CEP120: variants seen among roughly 807,000 people sequenced by gnomAD.
CEP120 encodes the protein centrosomal protein of 120 kDa.
A neutral mutation model predicts 126.5 loss-of-function variants in CEP120; 113 were observed. That is an observed-to-expected ratio of 0.89 (90% CI 0.77 to 1.04). The LOEUF is 1.04. Ranked by LOEUF, CEP120 falls within the 50% of genes least tolerant of loss-of-function variation. CEP120 has a pLI of 0.00. For synonymous variants in CEP120, 400 were observed against 394.3 expected, an observed-to-expected ratio of 1.01 and a Z score of -0.17; for missense variants, 1,230 against 1,155.7, an observed-to-expected ratio of 1.06 and a Z score of -0.93.
At chr5:123,378,076 T>C (rs1378572701) in intron 15 of CEP120, among the ~76,000 whole-genome samples, 1 of 152,082 alleles carries the variant, frequency 6.6e-6, no homozygotes, top group African/African-American at 2.4e-5. Context: ...ATTTCATATA[T>C]AGACTCTGTG....
intron 19 of CEP120, among the ~76,000 whole-genome samples, chr5:123,347,817 G>GTA (rs1293975460): frequency 1.3e-5 from 2 of 151,650 alleles, no homozygotes; most frequent in South Asian, 2.1e-4. Flanking sequence ...GCTAAATTTT[G>GTA]TATATATATA....
At chr5:123,390,949 G>A (rs751691895) in intron 7 of CEP120, 161 bp downstream of exon 7, 4 of 606,824 alleles carry the variant, frequency 6.6e-6, no homozygotes, top group Non-Finnish European at 1.2e-5. Context: ...CATAACAGAA[G>A]TCACAGCACT....
chr5:123,401,440 C>A, intron 4 of CEP120: 1 of 1,342,208 alleles, frequency 7.5e-7, no homozygotes, highest in Non-Finnish European at 1.1e-6. Flanking sequence ...TCTTTGTGCA[C>A]CGCAGGTTAT....
chr5:123,403,216 C>T (rs938543147), intron 4 of CEP120: 1 of 449,332 alleles, frequency 2.2e-6, no homozygotes, highest in Admixed American at 2.5e-5. Context: ...AGCTAACATA[C>T]CTAGCACCTA....
intron 4 of CEP120, among the ~76,000 whole-genome samples, chr5:123,406,178 G>GA (rs34175380): frequency 9.8e-4 from 147 of 150,022 alleles, no homozygotes; most frequent in Non-Finnish European, 1.7e-3. Context: ...AAGACTGGGG[G>GA]AAAAAAAAAA....
rs368379427 is a variant in CEP120, at chr5:123,416,117, G to A, written c.214C>T (p.Arg72Cys). The A allele has an allele frequency of 5.0e-6, 8 of 1,596,944 alleles. No individual in the cohort carries two copies. Among genetic ancestry groups the A allele is most frequent in the Admixed American group, 1.7e-5 (1 of 59,326 alleles). ...AAACATTGGAGTTTGATAGGAGTAC[G>A]CTGTAGCCTATAACAAAACATGTGA... is the stretch of plus-strand genomic sequence containing the variant. ...RKALHQHRLQ[R>C]TPIKLQCFAL... Residue 72 changes from arginine (R) to cysteine (C), a missense_variant, in exon 3 of 20, where the codon CGT (arginine) becomes TGT (cysteine). Arg to Cys is a radical substitution (Grantham distance 180). Coordinates refer to ENST00000306467, the MANE Select transcript of CEP120 (RefSeq NM_001375405.1).
rs997026485 is a variant in CEP120 at position 123,393,592 on chromosome 5, G to T, written c.613-95C>A. ...ACATTCCAAAAACATTTGCTAAAATGTTTTTTTATTTGATGTCTTAACCGC... is the reference window on the plus strand; with the variant it reads ...ACATTCCAAAAACATTTGCTAAAATTTTTTTTTATTTGATGTCTTAACCGC... On this transcript the variant is annotated intron_variant, in intron 5 of 19. Transcript: ENST00000306467. 21 of 1,057,578 alleles carry T rather than the reference G, an allele frequency of 2.0e-5. No individual in the cohort carries two copies. In the East Asian group the frequency reaches 5.0e-4, roughly 25 times the overall value. The allele number at this position is 1,057,578 out of a possible 1,614,324, so 65.5% of individuals were successfully genotyped here. A position where few individuals can be genotyped will look rare whatever the true frequency, so the allele number is the denominator to read the frequency against.
intron 18 of CEP120, among the ~76,000 whole-genome samples, 168 bp downstream of exon 18, chr5:123,364,328 A>G (rs529701828): frequency 1.3e-5 from 2 of 151,732 alleles, no homozygotes; most frequent in African/African-American, 4.8e-5. Context: ...TCTAACTATA[A>G]AAAAGAAGGA....
chr5:123,369,701 TTC>T (rs1237043600), intron 17 of CEP120, among the ~76,000 whole-genome samples: 225 of 152,156 alleles, frequency 1.5e-3, no homozygotes, highest in African/African-American at 5.3e-3. Context: ...CAAAGAGGCC[TTC>T]CTTAACCACC....
At position 123,377,257 on chromosome 5, in the gene CEP120, AT is replaced by A; in HGVS notation, c.2358+116del. 3.3e-6 allele frequency: 3 copies of A among 910,654 alleles called. No individual in the cohort carries two copies. In the South Asian group the frequency reaches 4.7e-5, roughly 14 times the overall value. 56.4% of individuals were successfully genotyped at this position (910,654 alleles called of 1,614,324 possible). A position where few individuals can be genotyped will look rare whatever the true frequency, so the allele number is the denominator to read the frequency against. ...ATTTGAATCTCAGTGCAATAATATG[AT>A]TAATAGTCTAAATTACTATGAATTT... On this transcript the variant is annotated intron_variant, in intron 16 of 19. Coordinates refer to ENST00000306467, the MANE Select transcript of CEP120 (RefSeq NM_001375405.1).
At chr5:123,394,834 T>G (rs1336608151) in intron 5 of CEP120, among the ~76,000 whole-genome samples, 2 of 152,156 alleles carry the variant, frequency 1.3e-5, no homozygotes, top group Non-Finnish European at 2.9e-5. Context: ...AATTCTGGAG[T>G]CAGATCCCAA....
intron 18 of CEP120, 43 bp downstream of exon 18, chr5:123,364,449 GAAAC>G (rs1770310703): frequency 3.8e-6 from 5 of 1,301,292 alleles, no homozygotes; most frequent in African/African-American, 1.5e-5. Context: ...AATTTGCAAA[GAAAC>G]AAGGGAAAAA....
chr5:123,413,416 T>G (rs554942616), intron 3 of CEP120, among the ~76,000 whole-genome samples: 1 of 152,202 alleles, frequency 6.6e-6, no homozygotes, highest in South Asian at 2.1e-4. Flanking sequence ...TGACTGATAC[T>G]CGAACAAAAG....
At chr5:123,376,109 C>G (rs1342440617) in intron 16 of CEP120, among the ~76,000 whole-genome samples, 1 of 151,644 alleles carries the variant, frequency 6.6e-6, no homozygotes, top group Non-Finnish European at 1.5e-5. Context: ...CAATCTGATA[C>G]TGATTAAATT....
intron 4 of CEP120, among the ~76,000 whole-genome samples, chr5:123,411,127 A>G (rs1209034518): frequency 6.6e-6 from 1 of 152,214 alleles, no homozygotes; most frequent in Non-Finnish European, 1.5e-5. Context: ...AACAACAATG[A>G]GATACTATGA....
Position 123,385,107 on chromosome 5 carries a change from T to C in CEP120, c.1607A>G (p.His536Arg), listed in dbSNP as rs754412344. ...TAAATCTTTACTCATTTTATCCTTG[T>C]GCCATAGTTCAACCAGTAATGGAAT... is the stretch of plus-strand genomic sequence containing the variant. ...LRIPLLVELW[H>R]KDKMSKDLLL... Residue 536 changes from histidine to arginine, a missense_variant, in exon 11 of 20, where the codon CAC becomes CGC. By Grantham distance (29) the His-to-Arg change is conservative. Transcript: ENST00000306467. 1 of 1,613,114 alleles carries C rather than the reference T, an allele frequency of 6.2e-7. No individual in the cohort carries two copies. The highest frequency in any genetic ancestry group is 8.5e-7 in the Non-Finnish European group (1 of 1,179,542).
At chr5:123,386,339 T>C (rs1158738330) in intron 10 of CEP120, among the ~76,000 whole-genome samples, 179 bp downstream of exon 10, 2 of 152,164 alleles carry the variant, frequency 1.3e-5, no homozygotes, top group Non-Finnish European at 2.9e-5. Context: ...TAATAAACCA[T>C]GCAAAACCCT....
chr5:123,358,919 A>AACTT (rs555004685), intron 18 of CEP120, among the ~76,000 whole-genome samples: 223 of 152,114 alleles, frequency 1.5e-3, no homozygotes, highest in Admixed American at 5.3e-3. Flanking sequence ...TGTGGGAAAA[A>AACTT]ACTTACAACT....
chr5:123,346,118 A>T lies in CEP120; in HGVS notation c.*401T>A. The T allele has an allele frequency of 6.4e-6, 1 of 157,194 alleles. No individual in the cohort carries two copies. Among genetic ancestry groups the T allele is most frequent in the East Asian group, 1.9e-4 (1 of 5,366 alleles). 9.7% of individuals were successfully genotyped at this position (157,194 alleles called of 1,614,324 possible). On this transcript the variant is annotated 3_prime_UTR_variant, in exon 20 of 20. Transcript: ENST00000306467. ...TTGGTCTCAACTTTTAAGAATTTAC[A>T]TTCAAATGGAATAGGACGCAGCGTT...
Sources: gnomAD v4.1 joint callset for allele counts (sites outside exome capture counted in the v4.1 genomes callset) on GRCh38, gnomAD v4.1.1 for gene constraint, MANE v1.5 for transcripts, NCBI Gene and HGNC (gene_info 2026-07-23, HGNC 2026-07-21) for gene names.